GUCY1A1: variants seen among roughly 807,000 people sequenced by gnomAD.
The protein encoded by GUCY1A1 is guanylate cyclase soluble subunit alpha-1.
GUCY1A1 carries 48 observed loss-of-function variants against 64.5 expected under a neutral mutation model. The observed-to-expected ratio is 0.74, with a 90% CI of 0.59 to 0.95. GUCY1A1 has a LOEUF of 0.95. Ranked by LOEUF, GUCY1A1 falls within the 40% of genes least tolerant of loss-of-function variation. The probability of loss-of-function intolerance (pLI) is 0.00; values close to 1 mark genes in which losing one functional copy is unlikely to be tolerated. For missense variants in GUCY1A1, 804 were observed against 825.3 expected, an observed-to-expected ratio of 0.97 and a Z score of 0.32; for synonymous variants, 308 against 303.4, an observed-to-expected ratio of 1.02 and a Z score of -0.16.
intron 2 of GUCY1A1, among the ~76,000 whole-genome samples, chr4:155,683,442 T>C (rs1736096749): frequency 6.6e-6 from 1 of 152,246 alleles, no homozygotes; most frequent in South Asian, 2.1e-4. Flanking sequence ...TCAGAGCCAG[T>C]AGTTCTTTCA....
intron 2 of GUCY1A1, among the ~76,000 whole-genome samples, chr4:155,670,607 T>TG (rs1420054797): frequency 6.6e-6 from 1 of 152,004 alleles, no homozygotes; most frequent in African/African-American, 2.4e-5. Context: ...AGCTGTAGAG[T>TG]GGGCTTCCCT....
intron 2 of GUCY1A1, among the ~76,000 whole-genome samples, chr4:155,679,513 G>C (rs891402989): frequency 1.3e-5 from 2 of 152,060 alleles, no homozygotes; most frequent in South Asian, 2.1e-4. Context: ...GGAAGCGAGG[G>C]AGAGAGAGAG....
chr4:155,700,510 G>T (rs1004419855), intron 3 of GUCY1A1, among the ~76,000 whole-genome samples: 2 of 152,244 alleles, frequency 1.3e-5, no homozygotes, highest in Admixed American at 1.3e-4. Context: ...CAGCAATGTT[G>T]CATCAAATAG....
intron 7 of GUCY1A1, 135 bp downstream of exon 7, chr4:155,713,718 G>T (rs1201631530): frequency 1.4e-5 from 12 of 839,900 alleles, no homozygotes; most frequent in Non-Finnish European, 2.0e-5. Context: ...CTGGGAGCAG[G>T]TATGGTGCAT....
chr4:155,692,136 T>C (rs552698529), intron 2 of GUCY1A1, among the ~76,000 whole-genome samples: 21 of 152,198 alleles, frequency 1.4e-4, no homozygotes, highest in Non-Finnish European at 2.6e-4. Context: ...CATTCTTTTT[T>C]ATAACTACAT....
chr4:155,705,753 T>C (rs868480190), intron 4 of GUCY1A1, among the ~76,000 whole-genome samples: 1 of 152,184 alleles, frequency 6.6e-6, no homozygotes, highest in Admixed American at 6.6e-5. Context: ...GTGGATCATA[T>C]GTGCTTGATT....
intron 3 of GUCY1A1, among the ~76,000 whole-genome samples, chr4:155,700,520 G>A (rs565047664): frequency 1.8e-4 from 27 of 152,218 alleles, no homozygotes; most frequent in Non-Finnish European, 3.1e-4. Flanking sequence ...GCATCAAATA[G>A]CAGTTTTTCC....
intron 2 of GUCY1A1, among the ~76,000 whole-genome samples, chr4:155,677,730 T>C (rs1735151888): frequency 6.6e-6 from 1 of 152,038 alleles, no homozygotes; most frequent in African/African-American, 2.4e-5. Context: ...TGGGTGCCTG[T>C]AATCCCAGCT....
intron 3 of GUCY1A1, among the ~76,000 whole-genome samples, chr4:155,702,946 G>T (rs2126789534): frequency 6.6e-6 from 1 of 150,734 alleles, no homozygotes; most frequent in African/African-American, 2.4e-5. Context: ...ACTATAGAAA[G>T]AATCAATGGT....
rs571549499 is a variant in GUCY1A1, at chr4:155,734,715, T to C, written c.*4484T>C. On this transcript the variant is annotated 3_prime_UTR_variant, in exon 10 of 10. Coordinates refer to ENST00000506455, the MANE Select transcript of GUCY1A1 (RefSeq NM_001130682.3). ...CTCCTCCAAAACAGAAATTCAGTGCTGCAGAGACGGTAGCAAAGTGCAGTT... is the reference window on the plus strand; with the variant it reads ...CTCCTCCAAAACAGAAATTCAGTGCCGCAGAGACGGTAGCAAAGTGCAGTT... 6.6e-6 allele frequency: 1 copy of C among 152,100 alleles called. No individual in the cohort carries two copies. Among genetic ancestry groups the C allele is most frequent in the African/African-American group, 2.4e-5 (1 of 41,550 alleles). The allele number at this position is 152,100 out of a possible 1,614,324, so 9.4% of individuals were successfully genotyped here.
rs200514962 is a variant in GUCY1A1, at chr4:155,731,377, A to T, written c.*1146A>T. 2.2e-4 allele frequency: 34 copies of T among 152,016 alleles called. No individual in the cohort carries two copies. The East Asian group carries it at 4.9e-3, about 22-fold the overall frequency. 9.4% of individuals were successfully genotyped at this position (152,016 alleles called of 1,614,324 possible). ...GAATCAAGTTTTTGTCTCATTAAAT[A>T]TACATATATGAAGTGTTTTTATTCT... On this transcript the variant is annotated 3_prime_UTR_variant, in exon 10 of 10. Coordinates refer to ENST00000506455, the MANE Select transcript of GUCY1A1 (RefSeq NM_001130682.3).
In GUCY1A1 at chr4:155,732,758, T is replaced by A. The variant is rs1396338982; in HGVS notation, c.*2527T>A. On this transcript the variant is annotated 3_prime_UTR_variant, in exon 10 of 10. Transcript: ENST00000506455. ...ATTTAACTATTCTAAAAAATAAGAC[T>A]GGGTCTCAAGACTGCTTCCCTAACA... is the stretch of plus-strand genomic sequence containing the variant. Among the ~76,000 whole-genome samples the A allele has an allele frequency of 6.6e-6, 1 of 151,922 alleles. No homozygotes were observed. The highest frequency in any genetic ancestry group is 1.5e-5 in the Non-Finnish European group (1 of 67,880).
intron 2 of GUCY1A1, among the ~76,000 whole-genome samples, chr4:155,680,450 T>G (rs1735565810): frequency 7.9e-6 from 1 of 126,356 alleles, no homozygotes; most frequent in Non-Finnish European, 1.7e-5. Context: ...ACATGAACAA[T>G]TTTAAGTATA....
In GUCY1A1 at chr4:155,731,448, A is replaced by G. The variant is rs1735535548; in HGVS notation, c.*1217A>G. On this transcript the variant is annotated 3_prime_UTR_variant, in exon 10 of 10. Transcript: ENST00000506455. Reference sequence around the variant, plus strand: ...AAAAAAACGACTGTTAGTATTGATGAAGCAAATGAGGCAGTGACTACATTA... The same window carrying G: ...AAAAAAACGACTGTTAGTATTGATGGAGCAAATGAGGCAGTGACTACATTA... 1 of 151,836 alleles carries G rather than the reference A, an allele frequency of 6.6e-6. No individual in the cohort carries two copies. The highest frequency in any genetic ancestry group is 1.5e-5 in the Non-Finnish European group (1 of 67,852). The allele number at this position is 151,836 out of a possible 1,614,324, so 9.4% of individuals were successfully genotyped here. A position where few individuals can be genotyped will look rare whatever the true frequency, so the allele number is the denominator to read the frequency against.
chr4:155,728,109 C>T (rs1734989168), intron 9 of GUCY1A1, among the ~76,000 whole-genome samples: 1 of 151,912 alleles, frequency 6.6e-6, no homozygotes, highest in Non-Finnish European at 1.5e-5. Flanking sequence ...TAAGACTTGC[C>T]TTGAATCCAC....
intron 2 of GUCY1A1, among the ~76,000 whole-genome samples, chr4:155,668,700 A>G (rs1733710531): frequency 6.6e-6 from 1 of 152,142 alleles, no homozygotes; most frequent in Non-Finnish European, 1.5e-5. Flanking sequence ...AAGAGTGATC[A>G]TTTCAGGTAC....
intron 9 of GUCY1A1, among the ~76,000 whole-genome samples, chr4:155,729,325 C>T (rs1397859525): frequency 2.0e-5 from 3 of 151,644 alleles, no homozygotes; most frequent in South Asian, 2.1e-4. Context: ...AAAGAGATGC[C>T]AATAGCTTAA....
rs140424850 is a variant in GUCY1A1, at chr4:155,730,110, C to G, written c.1952C>G (p.Pro651Arg). The G allele has an allele frequency of 4.3e-6, 7 of 1,611,016 alleles. No individual in the cohort carries two copies. The African/African-American group carries it at 8.0e-5, about 18-fold the overall frequency. Reference sequence around the variant, plus strand: ...CCACCAAACTTCCCTAGTGAAATCCCCGGAATCTGCCATTTTCTGGATGCT... The same window carrying G: ...CCACCAAACTTCCCTAGTGAAATCCGCGGAATCTGCCATTTTCTGGATGCT... The part of the protein sequence containing the change: ...ELPPNFPSEI[P>R]GICHFLDAYQ... The change falls in exon 10 of 10, where the codon CCC becomes CGC. Residue 651 changes from proline (P) to arginine (R), a missense_variant. Transcript: ENST00000506455.
intron 9 of GUCY1A1, chr4:155,722,520 G>T: frequency 1.2e-6 from 1 of 855,622 alleles, no homozygotes; most frequent in Non-Finnish European, 1.4e-6. Context: ...CTGCAGTGCA[G>T]TTCTGGCAGT....
Sources: gnomAD v4.1 joint callset for allele counts (sites outside exome capture counted in the v4.1 genomes callset) on GRCh38, gnomAD v4.1.1 for gene constraint, MANE v1.5 for transcripts, NCBI Gene and HGNC (gene_info 2026-07-23, HGNC 2026-07-21) for gene names.